The following ST6GALNAC3 variants were observed in gnomAD, a reference collection of about 807,000 sequenced individuals.
The protein encoded by ST6GALNAC3 is alpha-N-acetylgalactosaminide alpha-2,6-sialyltransferase 3.
In ST6GALNAC3, 25 loss-of-function variants were observed where a neutral mutation model predicts 32.7. The observed-to-expected ratio is 0.76, with a 90% CI of 0.56 to 1.07. The LOEUF (loss-of-function observed/expected upper bound fraction) is 1.07, where lower values mean the gene tolerates loss of function less well. Ranked by LOEUF, ST6GALNAC3 falls within the 50% of genes least tolerant of loss-of-function variation. The pLI is 0.00. For missense variants in ST6GALNAC3, 355 were observed against 382.4 expected (o/e 0.93, Z 0.60); for synonymous variants, 129 against 133.1 (o/e 0.97, Z 0.21).
intron 1 of ST6GALNAC3, among the ~76,000 whole-genome samples, chr1:76,116,934 AT>A (rs779296161): frequency 2.0e-5 from 3 of 152,178 alleles, no homozygotes; most frequent in Non-Finnish European, 4.4e-5. Context: ...GTCTAAAAAA[AT>A]AAATGAATAA....
chr1:76,257,676 G>A (rs375872816), intron 1 of ST6GALNAC3, among the ~76,000 whole-genome samples: 8 of 151,924 alleles, frequency 5.3e-5, no homozygotes, highest in East Asian at 3.9e-4. Context: ...CTGCTCTGCC[G>A]CCATCTATTT....
chr1:76,356,603 G>A (rs1649470248), intron 2 of ST6GALNAC3, among the ~76,000 whole-genome samples: 1 of 152,054 alleles, frequency 6.6e-6, no homozygotes, highest in Admixed American at 6.6e-5. Context: ...GGGTGGACAG[G>A]GAAGGGTTAG....
intron 3 of ST6GALNAC3, among the ~76,000 whole-genome samples, chr1:76,424,473 A>G (rs61771523): frequency 0.2 from 29,700 of 151,892 alleles, 3,049 homozygotes; most frequent in Middle Eastern, 0.31. Context: ...TTCAATAAAT[A>G]TTAAATAATA....
At chr1:76,104,535 G>A (rs1033223490) in intron 1 of ST6GALNAC3, among the ~76,000 whole-genome samples, 5 of 150,752 alleles carry the variant, frequency 3.3e-5, no homozygotes, top group Admixed American at 1.3e-4. Flanking sequence ...TCAATATGTC[G>A]TTAGGGGAGA....
chr1:76,169,503 C>A (rs1349246181), intron 1 of ST6GALNAC3, among the ~76,000 whole-genome samples: 2 of 152,164 alleles, frequency 1.3e-5, no homozygotes, highest in Non-Finnish European at 2.9e-5. Context: ...GTTGCCCTCT[C>A]TAGCTAGGTT....
At chr1:76,211,979 A>G (rs1655194683) in intron 1 of ST6GALNAC3, among the ~76,000 whole-genome samples, 1 of 152,214 alleles carries the variant, frequency 6.6e-6, no homozygotes, top group African/African-American at 2.4e-5. Flanking sequence ...TCTCCAACAT[A>G]GTCATACTGG....
At chr1:76,120,293 C>A (rs906980713) in intron 1 of ST6GALNAC3, among the ~76,000 whole-genome samples, 6 of 152,188 alleles carry the variant, frequency 3.9e-5, no homozygotes, top group African/African-American at 1.4e-4. Flanking sequence ...CCAGAGTGAT[C>A]TCGTGTTTCC....
intron 3 of ST6GALNAC3, among the ~76,000 whole-genome samples, chr1:76,544,297 G>A (rs1570198172): frequency 6.6e-6 from 1 of 152,044 alleles, no homozygotes; most frequent in South Asian, 2.1e-4. Flanking sequence ...GTAATAAAAA[G>A]TAACTAAGGA....
At chr1:76,379,115 C>T (rs1248931743) in intron 2 of ST6GALNAC3, among the ~76,000 whole-genome samples, 2 of 152,100 alleles carry the variant, frequency 1.3e-5, no homozygotes, top group African/African-American at 4.8e-5. Context: ...CCAGGATGGT[C>T]TCCATCTCCT....
Position 76,429,189 on chromosome 1 carries a change from T to C in ST6GALNAC3, c.623+16772T>C, listed in dbSNP as rs144148621. The stretch of plus-strand genomic sequence containing the variant: ...GAATTGTTATACTGAATTCTCAAGT[T>C]AGAGGTTTGATTGATTGATGATAAT... On this transcript the variant is annotated intron_variant, in intron 3 of 4. Transcript: ENST00000328299. Among the ~76,000 whole-genome samples the C allele has an allele frequency of 1.1e-4, 17 of 152,226 alleles. No individual in the cohort carries two copies. The East Asian group carries it at 3.1e-3, about 28-fold the overall frequency.
At chr1:76,442,276 C>T (rs1656668621) in intron 3 of ST6GALNAC3, among the ~76,000 whole-genome samples, 1 of 152,294 alleles carries the variant, frequency 6.6e-6, no homozygotes, top group South Asian at 2.1e-4. Context: ...CCCAAATTGT[C>T]TCCCCCATCA....
chr1:76,203,918 A>G (rs1285397258), intron 1 of ST6GALNAC3, among the ~76,000 whole-genome samples: 4 of 152,222 alleles, frequency 2.6e-5, no homozygotes, highest in African/African-American at 9.6e-5. Context: ...ATTTTGAAAT[A>G]TATCATAGAT....
At chr1:76,209,861 G>C (rs145983000) in intron 1 of ST6GALNAC3, among the ~76,000 whole-genome samples, 15 of 152,214 alleles carry the variant, frequency 9.9e-5, no homozygotes, top group African/African-American at 3.4e-4. Flanking sequence ...ACTCTCTCTA[G>C]AGGATTATCT....
intron 1 of ST6GALNAC3, among the ~76,000 whole-genome samples, chr1:76,122,478 T>A (rs1648945490): frequency 6.6e-6 from 1 of 152,158 alleles, no homozygotes; most frequent in Admixed American, 6.5e-5. Flanking sequence ...TGAAGAGCCG[T>A]CCACTCTCTG....
In ST6GALNAC3 at chr1:76,334,605, G is replaced by A. The variant is rs547129699; in HGVS notation, c.213+20606G>A. Among the ~76,000 whole-genome samples, 10 of 152,278 alleles carry A rather than the reference G, an allele frequency of 6.6e-5. No individual in the cohort carries two copies. The South Asian group carries it at 1.7e-3, about 25-fold the overall frequency. ...CCAATATGCCTTTCTGAGCATCTTC[G>A]TTGGTATTTGTTTTGGAGTGGTCAT... On this transcript the variant is annotated intron_variant, in intron 2 of 4. Coordinates refer to ENST00000328299, the MANE Select transcript of ST6GALNAC3 (RefSeq NM_152996.4).
intron 1 of ST6GALNAC3, among the ~76,000 whole-genome samples, chr1:76,079,724 C>T (rs1646865417): frequency 6.6e-6 from 1 of 152,118 alleles, no homozygotes; most frequent in Admixed American, 6.6e-5. Context: ...ATTTCCTCTT[C>T]CTCCCCCTGC....
chr1:76,612,702 G>A (rs985119064), intron 3 of ST6GALNAC3, among the ~76,000 whole-genome samples: 7 of 152,146 alleles, frequency 4.6e-5, no homozygotes, highest in Non-Finnish European at 1.0e-4. Context: ...ATATAAATCT[G>A]GGCACCATCC....
At chr1:76,235,183 C>T (rs1656579884) in intron 1 of ST6GALNAC3, among the ~76,000 whole-genome samples, 1 of 152,112 alleles carries the variant, frequency 6.6e-6, no homozygotes, top group South Asian at 2.1e-4. Context: ...TTTTAGCACC[C>T]AAAAGCATAC....
In ST6GALNAC3 at chr1:76,421,910, A is replaced by G. The variant is rs7524014; in HGVS notation, c.623+9493A>G. Reference sequence around the variant, plus strand: ...AAACACGTGTTTACAGTGACTTCCAATCACTTCTGATGAGTCTACCATGAT... The same window carrying G: ...AAACACGTGTTTACAGTGACTTCCAGTCACTTCTGATGAGTCTACCATGAT... On this transcript the variant is annotated intron_variant, in intron 3 of 4. Transcript: ENST00000328299. 1.4e-3 allele frequency among the ~76,000 whole-genome samples: 206 copies of G among 152,088 alleles called. 2 individuals are homozygous for G. Among genetic ancestry groups the G allele is most frequent in the South Asian group, 3.9e-3 (19 of 4,824 alleles).
Sources: gnomAD v4.1 joint callset for allele counts (sites outside exome capture counted in the v4.1 genomes callset) on GRCh38, gnomAD v4.1.1 for gene constraint, MANE v1.5 for transcripts, NCBI Gene and HGNC (gene_info 2026-07-23, HGNC 2026-07-21) for gene names.